Variants in FA2H observed in about 807,000 individuals in gnomAD.
FA2H encodes the protein fatty acid alpha-hydroxylase.
FA2H carries 22 observed loss-of-function variants against 44.9 expected under a neutral mutation model. That is an observed-to-expected ratio of 0.49 (90% CI 0.35 to 0.70). The LOEUF (loss-of-function observed/expected upper bound fraction) is 0.70, where lower values mean the gene tolerates loss of function less well. Among genes scored for constraint, FA2H ranks in the 30% least tolerant of loss-of-function variants. The pLI, the probability that FA2H is intolerant of heterozygous loss-of-function variation, is 0.01. For synonymous variants in FA2H, 243 were observed against 213.2 expected (o/e 1.14, Z -1.22); for missense variants, 501 against 504.9 (o/e 0.99, Z 0.07).
chr16:74,719,137 A>G lies in FA2H; in HGVS notation c.637T>C (p.Ser213Pro). Reference sequence around the variant, plus strand: ...AGCATGAAGAGCCCGGGGAACATGGACTTGGGCACTGCCACCGTGTACTCT... The same window carrying G: ...AGCATGAAGAGCCCGGGGAACATGGGCTTGGGCACTGCCACCGTGTACTCT... ...TTEYTVAVPK[S>P]MFPGLFMLGT... Residue 213 changes from serine (S) to proline (P), a missense_variant, in exon 5 of 7, where the codon TCC becomes CCC. Physicochemically the swap from Ser to Pro is moderately conservative, Grantham distance 74. Coordinates refer to ENST00000219368, the MANE Select transcript of FA2H (RefSeq NM_024306.5). The G allele has an allele frequency of 6.2e-7, 1 of 1,613,608 alleles. No homozygotes were observed. The highest frequency in any genetic ancestry group is 8.5e-7 in the Non-Finnish European group (1 of 1,180,014).
At chr16:74,770,947 T>C (rs1962894485) in intron 1 of FA2H, among the ~76,000 whole-genome samples, 1 of 152,190 alleles carries the variant, frequency 6.6e-6, no homozygotes, top group Admixed American at 6.5e-5. Flanking sequence ...GGTCCCTCTC[T>C]AAGCATCAGA....
chr16:74,721,881 G>A (rs946367592), intron 4 of FA2H, among the ~76,000 whole-genome samples: 5 of 152,226 alleles, frequency 3.3e-5, no homozygotes, highest in Admixed American at 6.5e-5. Context: ...GCACCGGCAC[G>A]CGGGCGCTGG....
intron 4 of FA2H, among the ~76,000 whole-genome samples, chr16:74,723,157 A>G (rs1961875832): frequency 6.6e-6 from 1 of 152,188 alleles, no homozygotes; most frequent in African/African-American, 2.4e-5. Flanking sequence ...TTGCTAATAT[A>G]TCAAATTGTA....
intron 5 of FA2H, 54 bp downstream of exon 5, chr16:74,718,934 G>C (rs1314595232): frequency 1.9e-6 from 3 of 1,598,478 alleles, no homozygotes; most frequent in Non-Finnish European, 2.6e-6. Flanking sequence ...GCTGGCTGCC[G>C]GGCCCTCTCG....
At chr16:74,743,940 G>A (rs1481647814) in intron 1 of FA2H, among the ~76,000 whole-genome samples, 4 of 152,128 alleles carry the variant, frequency 2.6e-5, no homozygotes, top group Admixed American at 6.5e-5. Flanking sequence ...CACGTCCTCC[G>A]GTGCATTGTT....
chr16:74,740,673 T>TAA (rs1192790446), intron 1 of FA2H, among the ~76,000 whole-genome samples: 1 of 141,050 alleles, frequency 7.1e-6, no homozygotes, highest in Non-Finnish European at 1.6e-5. Context: ...AATAATAAAA[T>TAA]TTCTGCATAA....
chr16:74,740,491 G>T (rs1241155186), intron 1 of FA2H, among the ~76,000 whole-genome samples: 1 of 151,372 alleles, frequency 6.6e-6, no homozygotes, highest in Non-Finnish European at 1.5e-5. Context: ...GTGGTGGTGC[G>T]CCCCTGTAAT....
chr16:74,729,854 G>A lies in FA2H; in HGVS notation c.364-2468C>T, dbSNP rs557430481. 1.6e-4 allele frequency among the ~76,000 whole-genome samples: 25 copies of A among 152,120 alleles called. No homozygotes were observed. In the East Asian group the frequency reaches 3.5e-3, roughly 21 times the overall value. On this transcript the variant is annotated intron_variant, in intron 2 of 6. Coordinates refer to ENST00000219368, the MANE Select transcript of FA2H (RefSeq NM_024306.5). ...ATCGGAGTGAGGATGAGGGTGTCTC[G>A]GTGGATGCTCAGCCAATCTTCAGCA...
chr16:74,740,291 T>G (rs1478741929), intron 1 of FA2H, among the ~76,000 whole-genome samples, 176 bp from the exon 2 acceptor site: 1 of 151,990 alleles, frequency 6.6e-6, no homozygotes, highest in East Asian at 1.9e-4. Flanking sequence ...ATGTGAGCAT[T>G]GTTATTCTCT....
intron 1 of FA2H, among the ~76,000 whole-genome samples, chr16:74,767,731 C>G (rs1962835871): frequency 1.3e-5 from 2 of 152,234 alleles, no homozygotes; most frequent in South Asian, 4.1e-4. Flanking sequence ...TGCTTCCCTG[C>G]AGATTCATTT....
intron 1 of FA2H, among the ~76,000 whole-genome samples, chr16:74,748,739 G>C (rs1032911235): frequency 2.0e-5 from 3 of 152,122 alleles, no homozygotes; most frequent in African/African-American, 7.2e-5. Flanking sequence ...CCACCATAGA[G>C]GCCGCGTGAA....
At position 74,729,253 on chromosome 16, in the gene FA2H, C is replaced by T. The variant is rs140541333; in HGVS notation, c.364-1867G>A. 3.6e-3 allele frequency among the ~76,000 whole-genome samples: 547 copies of T among 152,272 alleles called. 3 individuals carry two copies. Among genetic ancestry groups the T allele is most frequent in the African/African-American group, 0.012 (519 of 41,560 alleles). On this transcript the variant is annotated intron_variant, in intron 2 of 6. Coordinates refer to ENST00000219368, the MANE Select transcript of FA2H (RefSeq NM_024306.5). Reference sequence around the variant, plus strand: ...TCAATCTCCCGATCCTCGTGATCTGCCCGCCTCGGCCTCCCAAAGTGCTGG... The same window carrying T: ...TCAATCTCCCGATCCTCGTGATCTGTCCGCCTCGGCCTCCCAAAGTGCTGG...
intron 1 of FA2H, among the ~76,000 whole-genome samples, chr16:74,772,121 G>C (rs1962920860): frequency 6.6e-6 from 1 of 152,050 alleles, no homozygotes; most frequent in Non-Finnish European, 1.5e-5. Flanking sequence ...CGTGTGATGT[G>C]GCCCCGGCCG....
chr16:74,739,387 A>G (rs1300253912), intron 2 of FA2H, among the ~76,000 whole-genome samples: 1 of 151,994 alleles, frequency 6.6e-6, no homozygotes, highest in Non-Finnish European at 1.5e-5. Flanking sequence ...CCCTCCAGGC[A>G]AAGCTGCTTC....
chr16:74,768,907 G>T (rs1962855531), intron 1 of FA2H, among the ~76,000 whole-genome samples: 1 of 151,980 alleles, frequency 6.6e-6, no homozygotes, highest in South Asian at 2.1e-4. Context: ...TGGCTGACGA[G>T]TCAGGCTTGC....
intron 2 of FA2H, among the ~76,000 whole-genome samples, chr16:74,739,338 TCCCTCCAGTGACCCCCTCCAGTGACC>T (rs538749047): frequency 1.3e-5 from 2 of 151,940 alleles, no homozygotes; most frequent in Non-Finnish European, 2.9e-5. Context: ...CAAGCCCAGC[TCCCTCCAGTGACCCCCTCCAGTGACC>T]CCCTCCAGTG....
chr16:74,766,868 C>T (rs569308967), intron 1 of FA2H, among the ~76,000 whole-genome samples: 1 of 152,302 alleles, frequency 6.6e-6, no homozygotes, highest in South Asian at 2.1e-4. Flanking sequence ...GAGGGATTCA[C>T]AAAACTATCC....
At chr16:74,721,008 T>C (rs1222548506) in intron 4 of FA2H, among the ~76,000 whole-genome samples, 1 of 152,242 alleles carries the variant, frequency 6.6e-6, no homozygotes, top group Non-Finnish European at 1.5e-5. Flanking sequence ...CTATTGTGAA[T>C]AGTGCTGCTA....
rs192943078 is a variant in FA2H, at chr16:74,725,465, G to A, written c.613+760C>T. 3.5e-4 allele frequency among the ~76,000 whole-genome samples: 54 copies of A among 152,272 alleles called. 1 individual carries two copies. Among genetic ancestry groups the A allele is most frequent in the Admixed American group, 7.2e-4 (11 of 15,298 alleles). On this transcript the variant is annotated intron_variant, in intron 4 of 6. Coordinates refer to ENST00000219368, the MANE Select transcript of FA2H (RefSeq NM_024306.5). ...GTCATCCTAAACCCCAGTCTCATAG[G>A]CTCTTTAGACACTGCCCCATATCAG...
Sources: allele counts gnomAD v4.1 joint callset (sites outside exome capture counted in the v4.1 genomes callset), GRCh38; gene constraint gnomAD v4.1.1; transcripts MANE v1.5; gene names NCBI Gene and HGNC (gene_info 2026-07-23, HGNC 2026-07-21).